Variants in BRD10 observed in about 807,000 individuals in gnomAD.
BRD10 encodes the protein bromodomain containing 10.
chr9:5,994,545 T>G, the BRD10 span, among the ~76,000 whole-genome samples: 1 of 152,236 alleles, frequency 6.6e-6, no homozygotes, highest in Non-Finnish European at 1.5e-5. Context: ...TTCGTCTTCC[T>G]TCAGACCTCC....
the BRD10 span, chr9:5,968,095 G>C: frequency 7.0e-6 from 11 of 1,565,798 alleles, no homozygotes; most frequent in South Asian, 1.2e-4. Flanking sequence ...TGTAAGACTT[G>C]AATGCAAGAG....
At chr9:5,916,187 T>A in the BRD10 span, among the ~76,000 whole-genome samples, 4 of 152,346 alleles carry the variant, frequency 2.6e-5, no homozygotes, top group African/African-American at 9.6e-5. Context: ...ACTTCTGGAA[T>A]GACTTCAGGT....
At chr9:5,922,150 A>C in the BRD10 span, 2 of 1,613,990 alleles carry the variant, frequency 1.2e-6, no homozygotes, top group South Asian at 1.1e-5. Flanking sequence ...CTCGTGTCCT[A>C]ACAAGAATTG....
At chr9:5,921,191 A>C in the BRD10 span, 1 of 1,613,954 alleles carries the variant, frequency 6.2e-7, no homozygotes, top group Non-Finnish European at 8.5e-7. Context: ...TTTTGGGGTT[A>C]CATTTTGTAA....
the BRD10 span, chr9:5,923,240 G>A: frequency 6.2e-7 from 1 of 1,613,648 alleles, no homozygotes; most frequent in African/African-American, 1.3e-5. Flanking sequence ...TAAGTCTTTT[G>A]AAGGCAATTC....
At chr9:5,988,310 C>G in the BRD10 span, 1 of 1,520,100 alleles carries the variant, frequency 6.6e-7, no homozygotes, top group Non-Finnish European at 9.1e-7. Context: ...AAAAATTATG[C>G]AGCTGAAATT....
the BRD10 span, among the ~76,000 whole-genome samples, chr9:5,997,860 A>T: frequency 6.6e-6 from 1 of 152,216 alleles, no homozygotes; most frequent in African/African-American, 2.4e-5. Context: ...GCTTACATGG[A>T]TAGCAAAGAA....
chr9:5,977,422 T>C, the BRD10 span, among the ~76,000 whole-genome samples: 2 of 152,338 alleles, frequency 1.3e-5, no homozygotes, highest in East Asian at 3.9e-4. Flanking sequence ...ATGGAGTCTC[T>C]TTCCTGATCC....
the BRD10 span, among the ~76,000 whole-genome samples, chr9:5,889,620 A>T: frequency 6.6e-6 from 1 of 152,124 alleles, no homozygotes; most frequent in African/African-American, 2.4e-5. Context: ...CCCTGTCTCT[A>T]CTAAAAATAC....
chr9:5,933,017 TA>T, the BRD10 span, among the ~76,000 whole-genome samples: 1 of 152,114 alleles, frequency 6.6e-6, no homozygotes, highest in Admixed American at 6.5e-5. Flanking sequence ...GTGGATGTAA[TA>T]AAAATCAGAA....
chr9:5,989,122 C>T, the BRD10 span, among the ~76,000 whole-genome samples: 6 of 151,274 alleles, frequency 4.0e-5, no homozygotes, highest in East Asian at 3.9e-4. Context: ...TCCAGCTACT[C>T]GGCAGGCTGA....
the BRD10 span, among the ~76,000 whole-genome samples, chr9:5,992,227 T>C: frequency 6.6e-6 from 1 of 152,240 alleles, no homozygotes; most frequent in South Asian, 2.1e-4. Flanking sequence ...GAACTTTGTT[T>C]TGTTAATGAC....
chr9:5,900,826 T>C, the BRD10 span, among the ~76,000 whole-genome samples: 20 of 152,236 alleles, frequency 1.3e-4, no homozygotes, highest in Non-Finnish European at 2.8e-4. Context: ...TAACCAGTTT[T>C]ACATCTTCAC....
chr9:5,971,677 T>C, the BRD10 span, among the ~76,000 whole-genome samples: 1 of 152,200 alleles, frequency 6.6e-6, no homozygotes, highest in Non-Finnish European at 1.5e-5. Context: ...AAATATTAAA[T>C]ATTCTTAATA....
At chr9:5,952,715 T>G in the BRD10 span, among the ~76,000 whole-genome samples, 3 of 152,206 alleles carry the variant, frequency 2.0e-5, no homozygotes, top group African/African-American at 7.2e-5. Flanking sequence ...TGCTCTAACA[T>G]CTACATTCCC....
At chr9:5,926,937 A>G in the BRD10 span, among the ~76,000 whole-genome samples, 1 of 152,190 alleles carries the variant, frequency 6.6e-6, no homozygotes, top group Non-Finnish European at 1.5e-5. Flanking sequence ...TAAATATTCA[A>G]CAAATGTTAG....
At chr9:5,994,606 C>A in the BRD10 span, among the ~76,000 whole-genome samples, 1 of 152,166 alleles carries the variant, frequency 6.6e-6, no homozygotes, top group South Asian at 2.1e-4. Flanking sequence ...CTTCTTTTAG[C>A]TATTCACATA....
the BRD10 span, among the ~76,000 whole-genome samples, chr9:5,974,035 C>A: frequency 6.6e-6 from 1 of 152,084 alleles, no homozygotes; most frequent in African/African-American, 2.4e-5. Context: ...ATCTTCATTT[C>A]AGGAAGCCCC....
chr9:5,979,165 A>T, the BRD10 span, among the ~76,000 whole-genome samples: 1 of 152,352 alleles, frequency 6.6e-6, no homozygotes, highest in East Asian at 1.9e-4. Flanking sequence ...AGTGATTTCC[A>T]GATCAGTAAA....
Sources: gnomAD v4.1 joint callset for allele counts (sites outside exome capture counted in the v4.1 genomes callset) on GRCh38, gnomAD v4.1.1 for gene constraint, MANE v1.5 for transcripts, NCBI Gene and HGNC (gene_info 2026-07-23, HGNC 2026-07-21) for gene names.